The following IQSEC2 variants were observed in gnomAD, a reference collection of about 807,000 sequenced individuals.
The protein encoded by IQSEC2 is IQ motif and Sec7 domain ArfGEF 2.
A neutral mutation model predicts 74.6 loss-of-function variants in IQSEC2; 6 were observed. That is an observed-to-expected ratio of 0.08 (90% CI 0.04 to 0.16). The LOEUF (loss-of-function observed/expected upper bound fraction) is 0.16, where lower values mean the gene tolerates loss of function less well. Ranked by LOEUF, IQSEC2 falls within the 10% of genes least tolerant of loss-of-function variation. IQSEC2 has a pLI of 1.00. For missense variants in IQSEC2, 734 were observed against 1,306.2 expected (o/e 0.56, Z 6.75); for synonymous variants, 494 against 544.5 (o/e 0.91, Z 1.29).
At chrX:53,292,061 G>C in intron 1 of IQSEC2, 137 bp from the exon 2 acceptor site, 1 of 502,404 alleles carries the variant, frequency 2.0e-6, no homozygotes, top group East Asian at 3.8e-5. Context: ...TATTTCATGC[G>C]GAGAGAAGAG....
At chrX:53,254,187 G>A (rs906152689) in intron 4 of IQSEC2, among the ~76,000 whole-genome samples, 3 of 109,854 alleles carry the variant, frequency 2.7e-5, no homozygotes, top group Non-Finnish European at 5.7e-5. Flanking sequence ...AAAATTAGCC[G>A]GGCGTGGTGT....
rs1556858631 is a variant in IQSEC2, at chrX:53,233,205, A to T, written c.*1014T>A. On this transcript the variant is annotated 3_prime_UTR_variant, in exon 15 of 15. Coordinates refer to ENST00000642864, the MANE Select transcript of IQSEC2 (RefSeq NM_001111125.3). ...GGCTGGAGAGGCAGCGGAGATTCTG[A>T]CGGACAGAAGGACTCAGGCATTCTG... 1 of 112,272 alleles carries T rather than the reference A, an allele frequency of 8.9e-6. No individual in the cohort carries two copies. Among genetic ancestry groups the T allele is most frequent in the East Asian group, 2.8e-4 (1 of 3,556 alleles). The allele number at this position is 112,272 out of a possible 1,213,427, so 9.3% of individuals were successfully genotyped here. A position where few individuals can be genotyped will look rare whatever the true frequency, so the allele number is the denominator to read the frequency against.
At chrX:53,266,820 G>A (rs1182029507) in intron 2 of IQSEC2, 12 of 1,064,462 alleles carry the variant, frequency 1.1e-5, no homozygotes, top group African/African-American at 2.0e-5. Context: ...AAGGTGGGGG[G>A]AGGAAGGGGC....
intron 1 of IQSEC2, among the ~76,000 whole-genome samples, chrX:53,313,540 G>A (rs1322954995): frequency 2.7e-5 from 3 of 111,712 alleles, no homozygotes; most frequent in African/African-American, 9.8e-5. Flanking sequence ...CCCTAAACGA[G>A]CTTCCCCAAA....
chrX:53,320,914 C>G lies in IQSEC2; in HGVS notation c.210G>C (p.Gly70=), dbSNP rs2146552241. ...DLREESQLHR[G]ELHRDPHGAR... is the part of the protein sequence containing the mutation. ...CGCCGTGGGGGTCCCGGTGCAGCTC[C>G]CCGCGGTGCAGCTGGCTCTCCTCTC... The change falls in exon 1 of 15, where the codon GGG becomes GGC. Residue 70 remains glycine (G), a synonymous_variant. Transcript: ENST00000642864. The G allele has an allele frequency of 1.7e-6, 2 of 1,162,102 alleles. No homozygotes were observed. The highest frequency in any genetic ancestry group is 2.6e-5 in the Admixed American group (1 of 38,557).
chrX:53,266,757 T>G, intron 2 of IQSEC2: 1 of 974,563 alleles, frequency 1.0e-6, no homozygotes, highest in Non-Finnish European at 1.3e-6. Flanking sequence ...CTCTCTTTAA[T>G]TCAGGGGCTG....
At chrX:53,305,704 T>C (rs1319957804) in intron 1 of IQSEC2, among the ~76,000 whole-genome samples, 1 of 111,861 alleles carries the variant, frequency 8.9e-6, no homozygotes, top group Non-Finnish European at 1.9e-5. Context: ...TCTAGGTTTG[T>C]CTGATTCCAA....
At chrX:53,226,397 C>G (rs1265974570), downstream of IQSEC2, 1 of 112,343 alleles carries the variant, frequency 8.9e-6, no homozygotes, top group Non-Finnish European at 1.9e-5. Flanking sequence ...TTTGTTTTCC[C>G]CCATCAGACT....
intron 9 of IQSEC2, 60 bp from the exon 10 acceptor site, chrX:53,241,969 G>C (rs181267127): frequency 1.7e-6 from 2 of 1,171,167 alleles, no homozygotes; most frequent in East Asian, 3.1e-5. Flanking sequence ...CAGGCCTCCT[G>C]GCACCTTAAC....
intron 5 of IQSEC2, among the ~76,000 whole-genome samples, chrX:53,249,313 G>A (rs950666745): frequency 1.8e-5 from 2 of 111,659 alleles, no homozygotes; most frequent in Non-Finnish European, 3.8e-5. Flanking sequence ...ACTCAGGCAG[G>A]TATCACCAAC....
Position 53,234,414 on chromosome X carries a change from T to C in IQSEC2, c.4272A>G (p.Pro1424=), listed in dbSNP as rs1602256605. Residue 1424 remains proline, a synonymous_variant, in exon 15 of 15, where the codon CCA becomes CCG. Coordinates refer to ENST00000642864, the MANE Select transcript of IQSEC2 (RefSeq NM_001111125.3). ...GTGGGATGGGTGAGTGTGGTGACAA[T>C]GGTGACTGGGGGTGGTGGGGGTGGG... ...SYSHPHHPQS[P]LSPHSPIPPH... 2 of 570,804 alleles carry C rather than the reference T, an allele frequency of 3.5e-6. No homozygotes were observed. Among genetic ancestry groups the C allele is most frequent in the Non-Finnish European group, 4.1e-6 (2 of 487,566 alleles). The allele number at this position is 570,804 out of a possible 1,213,427, so 47.0% of individuals were successfully genotyped here.
intron 1 of IQSEC2, among the ~76,000 whole-genome samples, chrX:53,316,638 CAG>C (rs1314199490): frequency 9.0e-6 from 1 of 111,029 alleles, no homozygotes; most frequent in African/African-American, 3.3e-5. Flanking sequence ...CTGGGCAACA[CAG>C]AGAGACCCCG....
At chrX:53,277,723 T>C (rs1556869843) in intron 2 of IQSEC2, among the ~76,000 whole-genome samples, 1 of 111,284 alleles carries the variant, frequency 9.0e-6, no homozygotes, top group African/African-American at 3.3e-5. Flanking sequence ...CAGGCTGGAG[T>C]GCAGTGGTAC....
At chrX:53,269,688 C>T (rs2074710707) in intron 2 of IQSEC2, among the ~76,000 whole-genome samples, 1 of 110,970 alleles carries the variant, frequency 9.0e-6, no homozygotes, top group South Asian at 3.8e-4. Flanking sequence ...ACGAGCTCTT[C>T]GACCCACTCC....
intron 1 of IQSEC2, among the ~76,000 whole-genome samples, chrX:53,293,047 G>A (rs967190043): frequency 2.7e-5 from 3 of 112,286 alleles, no homozygotes; most frequent in African/African-American, 9.7e-5. Context: ...CGTGGCTTTA[G>A]TGAGGGGAGT....
At chrX:53,230,618 CAG>C (rs1602253615), downstream of IQSEC2, 1 of 116,867 alleles carries the variant, frequency 8.6e-6, no homozygotes, top group Non-Finnish European at 1.8e-5. Context: ...GTTTTTGAGA[CAG>C]AGTCTTGCTC....
intron 1 of IQSEC2, among the ~76,000 whole-genome samples, chrX:53,296,583 C>T (rs1268127293): frequency 2.7e-5 from 3 of 110,964 alleles, no homozygotes; most frequent in South Asian, 3.9e-4. Context: ...TTGTTTGAGA[C>T]GGAGCCTCAC....
intron 1 of IQSEC2, among the ~76,000 whole-genome samples, chrX:53,302,449 T>G (rs1556875667): frequency 1.8e-5 from 2 of 112,158 alleles, no homozygotes; most frequent in African/African-American, 6.5e-5. Context: ...CCAGGCGTGG[T>G]GGCACCAGAG....
intron 2 of IQSEC2, chrX:53,279,562 A>G (rs782764797): frequency 8.6e-7 from 1 of 1,159,393 alleles, no homozygotes; most frequent in Non-Finnish European, 1.2e-6. Context: ...TCTAGCTCTT[A>G]CCTGCTCTCT....
Sources: allele counts gnomAD v4.1 joint callset (sites outside exome capture counted in the v4.1 genomes callset), GRCh38; gene constraint gnomAD v4.1.1; transcripts MANE v1.5; gene names NCBI Gene and HGNC (gene_info 2026-07-23, HGNC 2026-07-21).